Variants in CHCHD6 observed in about 807,000 individuals in gnomAD.
The protein encoded by CHCHD6 is coiled-coil-helix-coiled-coil-helix domain containing 6.
CHCHD6 carries 28 observed loss-of-function variants against 32.3 expected under a neutral mutation model. The ratio of observed to expected loss-of-function variants is 0.87; its 90% CI spans 0.64 to 1.19. CHCHD6 has a LOEUF of 1.19. Ranked by LOEUF, CHCHD6 falls within the 50% of genes most tolerant of loss-of-function variation. The probability of loss-of-function intolerance (pLI) is 0.00; values close to 1 mark genes in which losing one functional copy is unlikely to be tolerated. For missense variants in CHCHD6, 333 were observed against 307.0 expected (o/e 1.08, Z -0.63); for synonymous variants, 122 against 117.5 (o/e 1.04, Z -0.25).
intron 6 of CHCHD6, among the ~76,000 whole-genome samples, chr3:126,938,962 A>G (rs1032399130): frequency 6.6e-6 from 1 of 152,242 alleles, no homozygotes; most frequent in South Asian, 2.1e-4. Context: ...TTCTGTGGAC[A>G]GAAGGAGGTG....
chr3:126,940,812 A>C (rs1159525274), intron 6 of CHCHD6, among the ~76,000 whole-genome samples: 1 of 152,216 alleles, frequency 6.6e-6, no homozygotes, highest in African/African-American at 2.4e-5. Flanking sequence ...GTATTAAGTG[A>C]GGGTAAAAAC....
chr3:126,921,815 C>T (rs1054327853), intron 6 of CHCHD6, among the ~76,000 whole-genome samples: 1 of 152,176 alleles, frequency 6.6e-6, no homozygotes. Flanking sequence ...TTAGGACCCA[C>T]CTGAGAGAAT....
In CHCHD6 at chr3:126,832,565, C is replaced by T. The variant is rs555211741; in HGVS notation, c.412-20082C>T. Among the ~76,000 whole-genome samples the T allele has an allele frequency of 3.9e-5, 6 of 152,264 alleles. No individual in the cohort carries two copies. The South Asian group carries it at 6.2e-4, about 16-fold the overall frequency. On this transcript the variant is annotated intron_variant, in intron 4 of 7. Coordinates refer to ENST00000290913, the MANE Select transcript of CHCHD6 (RefSeq NM_032343.3). Reference sequence around the variant, plus strand: ...TGCTTAAACCTCTCAGATTCTGAGCCGTGAAGTCCTCAGGGCCTGTTTTAC... The same window carrying T: ...TGCTTAAACCTCTCAGATTCTGAGCTGTGAAGTCCTCAGGGCCTGTTTTAC...
intron 5 of CHCHD6, among the ~76,000 whole-genome samples, chr3:126,889,827 G>C (rs1034851645): frequency 2.6e-5 from 4 of 152,234 alleles, no homozygotes; most frequent in African/African-American, 4.8e-5. Context: ...CAGATGGCCT[G>C]GTGCCTGGTC....
chr3:126,790,975 T>C (rs781750581), intron 4 of CHCHD6, among the ~76,000 whole-genome samples: 40 of 152,338 alleles, frequency 2.6e-4, no homozygotes, highest in Non-Finnish European at 5.0e-4. Context: ...TGGTCTTTGA[T>C]GATAGTGAGG....
At chr3:126,746,309 G>T (rs868072239) in intron 4 of CHCHD6, among the ~76,000 whole-genome samples, 2 of 152,160 alleles carry the variant, frequency 1.3e-5, no homozygotes, top group Non-Finnish European at 2.9e-5. Context: ...GGAAAGTCAT[G>T]ACTTTCCTCT....
At chr3:126,734,128 A>G (rs377602831) in intron 4 of CHCHD6, among the ~76,000 whole-genome samples, 1 of 152,212 alleles carries the variant, frequency 6.6e-6, no homozygotes. Context: ...TTCCTCTTAC[A>G]TCACACTGGC....
rs1369910214 is a variant in CHCHD6 at position 126,734,872 on chromosome 3, AAC to A, written c.411+1651_411+1652del. ...AAGGCCTTGGATGTGCTGAGGAGTTAACCCTCAAAGTAGCCCGCATCGATCCT... is the reference window on the plus strand; with the variant it reads ...AAGGCCTTGGATGTGCTGAGGAGTTACCTCAAAGTAGCCCGCATCGATCCT... On this transcript the variant is annotated intron_variant, in intron 4 of 7. Transcript: ENST00000290913. Among the ~76,000 whole-genome samples, 125 of 152,278 alleles carry A rather than the reference AAC, an allele frequency of 8.2e-4. 1 individual carries two copies. Among genetic ancestry groups the A allele is most frequent in the African/African-American group, 3.0e-3 (125 of 41,564 alleles).
At chr3:126,902,276 G>A (rs1001412833) in intron 5 of CHCHD6, among the ~76,000 whole-genome samples, 4 of 152,200 alleles carry the variant, frequency 2.6e-5, no homozygotes, top group Non-Finnish European at 5.9e-5. Flanking sequence ...GCCAGTGCAC[G>A]GCCAGGGTTG....
chr3:126,727,851 GA>G (rs900720068), intron 2 of CHCHD6, among the ~76,000 whole-genome samples: 7 of 151,884 alleles, frequency 4.6e-5, no homozygotes, highest in African/African-American at 1.5e-4. Context: ...AAATTTTAAG[GA>G]AAAAAGTTCT....
At chr3:126,950,745 T>C (rs1213345657) in intron 6 of CHCHD6, among the ~76,000 whole-genome samples, 1 of 151,880 alleles carries the variant, frequency 6.6e-6, no homozygotes, top group Non-Finnish European at 1.5e-5. Flanking sequence ...CCATTGCACC[T>C]GGCCTGCACA....
intron 4 of CHCHD6, among the ~76,000 whole-genome samples, chr3:126,818,425 C>G (rs772062711): frequency 6.6e-5 from 10 of 152,172 alleles, no homozygotes; most frequent in Non-Finnish European, 1.3e-4. Flanking sequence ...CCCTCAGTGA[C>G]AGACAGCCTG....
At chr3:126,871,546 G>A (rs770332971) in intron 5 of CHCHD6, among the ~76,000 whole-genome samples, 13 of 151,934 alleles carry the variant, frequency 8.6e-5, no homozygotes, top group Non-Finnish European at 1.6e-4. Context: ...CCAGGATGAC[G>A]TGTTCCCTCA....
intron 4 of CHCHD6, among the ~76,000 whole-genome samples, chr3:126,763,358 G>A (rs1341797690): frequency 1.5e-5 from 2 of 132,582 alleles, no homozygotes; most frequent in African/African-American, 5.9e-5. Context: ...ACAAGGTTGT[G>A]CTCTGTTGTC....
At chr3:126,793,410 A>G (rs1022913030) in intron 4 of CHCHD6, among the ~76,000 whole-genome samples, 2 of 152,042 alleles carry the variant, frequency 1.3e-5, no homozygotes, top group African/African-American at 4.8e-5. Flanking sequence ...TGGTTACTCT[A>G]TGGATCATGA....
rs1299643361 is a variant in CHCHD6, at chr3:126,841,912, T to TCAAAA, written c.412-10718_412-10714dup. On this transcript the variant is annotated intron_variant, in intron 4 of 7. Coordinates refer to ENST00000290913, the MANE Select transcript of CHCHD6 (RefSeq NM_032343.3). The stretch of plus-strand genomic sequence containing the variant: ...CTGGGTGAAGGAGCAAGACCTTGCC[T>TCAAAA]CAAAACAAAACAAAACAAAACCATT... Among the ~76,000 whole-genome samples, 59 of 152,050 alleles carry TCAAAA rather than the reference T, an allele frequency of 3.9e-4. 2 individuals are homozygous for TCAAAA. The highest frequency in any genetic ancestry group is 3.4e-3 in the Middle Eastern group (1 of 294).
chr3:126,819,070 T>A (rs532481556), intron 4 of CHCHD6, among the ~76,000 whole-genome samples: 1 of 152,302 alleles, frequency 6.6e-6, no homozygotes, highest in South Asian at 2.1e-4. Context: ...ATGCATTCTA[T>A]GGGTGACAGA....
At chr3:126,788,896 T>G (rs1414202106) in intron 4 of CHCHD6, among the ~76,000 whole-genome samples, 1 of 152,200 alleles carries the variant, frequency 6.6e-6, no homozygotes, top group African/African-American at 2.4e-5. Flanking sequence ...CTTCTCTAGT[T>G]CTTTTAATTG....
intron 4 of CHCHD6, among the ~76,000 whole-genome samples, chr3:126,768,704 C>G (rs1186201508): frequency 6.6e-6 from 1 of 152,118 alleles, no homozygotes; most frequent in Non-Finnish European, 1.5e-5. Context: ...ATAAGCATAC[C>G]CTTTTCCCCA....
Sources: gnomAD v4.1 joint callset for allele counts (sites outside exome capture counted in the v4.1 genomes callset) on GRCh38, gnomAD v4.1.1 for gene constraint, MANE v1.5 for transcripts, NCBI Gene and HGNC (gene_info 2026-07-23, HGNC 2026-07-21) for gene names.